Variants in RPS6KA2 observed in about 807,000 individuals in gnomAD.
RPS6KA2 encodes ribosomal protein S6 kinase alpha-2.
In RPS6KA2, 42 loss-of-function variants were observed where a neutral mutation model predicts 91.8. The observed-to-expected ratio is 0.46, with a 90% CI of 0.36 to 0.59. RPS6KA2 has a LOEUF of 0.59. Ranked by LOEUF, RPS6KA2 falls within the 20% of genes least tolerant of loss-of-function variation. RPS6KA2 has a pLI of 0.00. For synonymous variants in RPS6KA2, 414 were observed against 393.6 expected (o/e 1.05, Z -0.61); for missense variants, 798 against 978.5 (o/e 0.82, Z 2.46).
chr6:166,613,554 T>C (rs1786275311), intron 1 of RPS6KA2, among the ~76,000 whole-genome samples: 1 of 152,200 alleles, frequency 6.6e-6, no homozygotes, highest in Admixed American at 6.5e-5. Flanking sequence ...GGAGTCATCT[T>C]TGATTTTTCT....
chr6:166,853,066 G>A (rs1452828535), intron 2 of RPS6KA2, among the ~76,000 whole-genome samples: 1 of 152,192 alleles, frequency 6.6e-6, no homozygotes, highest in Non-Finnish European at 1.5e-5. Context: ...CCTGGATCTG[G>A]TTTTATAAAG....
intron 2 of RPS6KA2, among the ~76,000 whole-genome samples, chr6:166,750,463 G>T (rs1583077872): frequency 6.6e-6 from 1 of 152,184 alleles, no homozygotes; most frequent in Non-Finnish European, 1.5e-5. Flanking sequence ...CCTTTCCGGG[G>T]CCTGTACTTG....
intron 10 of RPS6KA2, among the ~76,000 whole-genome samples, chr6:166,480,479 T>TTATATATATATATAATATA (rs1781157887): frequency 3.0e-5 from 3 of 99,874 alleles, no homozygotes; most frequent in African/African-American, 1.4e-4. Context: ...GATTGTGATT[T>TTATATATATATATAATATA]TATATATATA....
At chr6:166,669,337 C>T (rs991152231) in intron 2 of RPS6KA2, among the ~76,000 whole-genome samples, 5 of 152,152 alleles carry the variant, frequency 3.3e-5, no homozygotes, top group African/African-American at 7.2e-5. Context: ...GGAACATGGA[C>T]GAGGCTCCCA....
intron 2 of RPS6KA2, among the ~76,000 whole-genome samples, chr6:166,741,810 C>T (rs1318003214): frequency 3.3e-5 from 5 of 152,304 alleles, no homozygotes; most frequent in Non-Finnish European, 5.9e-5. Flanking sequence ...CTGCTCTCAC[C>T]GTACCAGCCC....
At chr6:166,751,886 T>C (rs1043953734) in intron 2 of RPS6KA2, among the ~76,000 whole-genome samples, 1 of 151,980 alleles carries the variant, frequency 6.6e-6, no homozygotes, top group African/African-American at 2.4e-5. Flanking sequence ...GAGGCCAGAC[T>C]CCGTGGAGCA....
intron 16 of RPS6KA2, among the ~76,000 whole-genome samples, chr6:166,425,924 A>G (rs911575976): frequency 7.2e-5 from 11 of 152,156 alleles, no homozygotes; most frequent in African/African-American, 2.4e-4. Context: ...ATACCCAGGA[A>G]TTGAACTCAG....
chr6:166,638,853 A>C (rs1787331969), intron 2 of RPS6KA2, among the ~76,000 whole-genome samples: 1 of 152,188 alleles, frequency 6.6e-6, no homozygotes, highest in African/African-American at 2.4e-5. Context: ...CGTGTCCATC[A>C]AAAATGTCAG....
At chr6:166,627,654 G>A (rs1786945166), upstream of RPS6KA2, 1 of 152,304 alleles carries the variant, frequency 6.6e-6, no homozygotes, top group African/African-American at 2.4e-5. Context: ...CCTCGGCCCG[G>A]GACAGCTCCC....
rs537412813 is a variant in RPS6KA2, at chr6:166,419,464, G to A, written c.1820+418C>T. Among the ~76,000 whole-genome samples the A allele has an allele frequency of 3.3e-5, 5 of 152,270 alleles. No homozygotes were observed. Among genetic ancestry groups the A allele is most frequent in the Non-Finnish European group, 7.3e-5 (5 of 68,032 alleles). ...ACCACGTGTCTTACCACAATGAACCGGCCCGTGCATGACTCATGACCACGA... is the reference window on the plus strand; with the variant it reads ...ACCACGTGTCTTACCACAATGAACCAGCCCGTGCATGACTCATGACCACGA... On this transcript the variant is annotated intron_variant, in intron 18 of 20. Transcript: ENST00000265678. This position sits in a 1 kb window ranked among gnomAD's most constrained non-coding sequence, Gnocchi z 5.6.
chr6:166,450,963 T>A, intron 13 of RPS6KA2, 140 bp downstream of exon 13: 1 of 972,854 alleles, frequency 1.0e-6, no homozygotes. Flanking sequence ...CAATGGGAAG[T>A]GTGAGGGAAG....
intron 2 of RPS6KA2, among the ~76,000 whole-genome samples, chr6:166,853,245 C>T (rs1469862158): frequency 6.6e-6 from 1 of 152,142 alleles, no homozygotes; most frequent in South Asian, 2.1e-4. Context: ...TCGAGACCAG[C>T]CTAGGCAATA....
intron 2 of RPS6KA2, among the ~76,000 whole-genome samples, chr6:166,759,074 T>C (rs1010913542): frequency 5.7e-5 from 7 of 122,236 alleles, no homozygotes; most frequent in Admixed American, 1.8e-4. Flanking sequence ...TTCGTGTGTG[T>C]GTGTGTGTGC....
chr6:166,628,895 C>A (rs1176128209), upstream of RPS6KA2, among the ~76,000 whole-genome samples: 2 of 152,342 alleles, frequency 1.3e-5, no homozygotes, highest in South Asian at 2.1e-4. Flanking sequence ...TCTTTAAAAA[C>A]AGAAGTGCAG....
intron 2 of RPS6KA2, among the ~76,000 whole-genome samples, chr6:166,661,777 G>A (rs1428603789): frequency 6.6e-6 from 1 of 151,846 alleles, no homozygotes; most frequent in Non-Finnish European, 1.5e-5. Flanking sequence ...TTCTCTTTCT[G>A]AAATCGGTTA....
In RPS6KA2 at chr6:166,759,852, C is replaced by T. The variant is rs540101237; in HGVS notation, c.123+98348G>A. On this transcript the variant is annotated intron_variant, in intron 2 of 21. Transcript: ENST00000503859. ...TATCCTCGCCCAGCGGTCAACGCAG[C>T]GCCGTTCCCACCATTGTACAGAGAG... Among the ~76,000 whole-genome samples, 357 of 152,330 alleles carry T rather than the reference C, an allele frequency of 2.3e-3. 2 individuals carry two copies. Among genetic ancestry groups the T allele is most frequent in the Non-Finnish European group, 4.4e-3 (301 of 68,038 alleles).
At chr6:166,590,458 G>A (rs930383367) in intron 1 of RPS6KA2, among the ~76,000 whole-genome samples, 3 of 152,162 alleles carry the variant, frequency 2.0e-5, no homozygotes, top group African/African-American at 7.2e-5. Context: ...GGAGCCTGGC[G>A]AGGAGCATGA....
chr6:166,833,006 G>A (rs1215014504), intron 2 of RPS6KA2, among the ~76,000 whole-genome samples: 2 of 152,218 alleles, frequency 1.3e-5, no homozygotes, highest in Non-Finnish European at 2.9e-5. Context: ...TAATTAAGAT[G>A]TTTAGCAACT....
At chr6:166,802,050 G>A (rs988224948) in intron 2 of RPS6KA2, among the ~76,000 whole-genome samples, 2 of 152,070 alleles carry the variant, frequency 1.3e-5, no homozygotes, top group Non-Finnish European at 2.9e-5. Flanking sequence ...GAGGTCAGGA[G>A]ATCGAGACCA....
Sources: gnomAD v4.1 joint callset for allele counts (sites outside exome capture counted in the v4.1 genomes callset) on GRCh38, gnomAD v4.1.1 for gene constraint, Gnocchi (gnomAD v3.1) non-coding constraint, MANE v1.5 for transcripts, NCBI Gene and HGNC (gene_info 2026-07-23, HGNC 2026-07-21) for gene names.